The following PCNX2 variants were observed in gnomAD, a reference collection of about 807,000 sequenced individuals.
PCNX2 encodes the protein pecanex-like protein 2.
PCNX2 carries 168 observed loss-of-function variants against 223.8 expected under a neutral mutation model. The ratio of observed to expected loss-of-function variants is 0.75; its 90% CI spans 0.66 to 0.85. The LOEUF is 0.85. Ranked by LOEUF, PCNX2 falls within the 40% of genes least tolerant of loss-of-function variation. The pLI is 0.00. For missense variants in PCNX2, 2,507 were observed against 2,675.5 expected, an observed-to-expected ratio of 0.94 and a Z score of 1.39; for synonymous variants, 1,006 against 1,052.6, an observed-to-expected ratio of 0.96 and a Z score of 0.86.
chr1:233,151,840 A>T (rs1677830111), intron 19 of PCNX2, among the ~76,000 whole-genome samples: 1 of 152,084 alleles, frequency 6.6e-6, no homozygotes, highest in African/African-American at 2.4e-5. Flanking sequence ...ATGCCCGGCC[A>T]ATTTTTGTAT....
At chr1:233,016,553 C>A (rs1670670203) in intron 27 of PCNX2, among the ~76,000 whole-genome samples, 1 of 152,154 alleles carries the variant, frequency 6.6e-6, no homozygotes, top group South Asian at 2.1e-4. Flanking sequence ...TTTTCATGTC[C>A]ATGATTCAAT....
chr1:233,157,363 G>A (rs963825659), intron 19 of PCNX2, among the ~76,000 whole-genome samples: 2 of 152,128 alleles, frequency 1.3e-5, no homozygotes, highest in African/African-American at 2.4e-5. Context: ...TAAAATGGTG[G>A]GATAGGATTA....
At chr1:233,191,378 T>C (rs1245570251) in intron 15 of PCNX2, among the ~76,000 whole-genome samples, 1 of 152,198 alleles carries the variant, frequency 6.6e-6, no homozygotes, top group Non-Finnish European at 1.5e-5. Context: ...ATTAATCAAG[T>C]ACAATGATAT....
chr1:233,135,215 C>A (rs1318417299), intron 20 of PCNX2, 25 bp from the exon 21 acceptor site: 1 of 1,601,660 alleles, frequency 6.2e-7, no homozygotes, highest in African/African-American at 1.3e-5. Context: ...AGAAAAGATG[C>A]AATCAATGAC....
At chr1:233,018,795 C>T in intron 26 of PCNX2, 1 of 985,438 alleles carries the variant, frequency 1.0e-6, no homozygotes, top group African/African-American at 1.7e-5. Context: ...CTGGAGGGCT[C>T]ACAGTGTTTG....
chr1:233,213,735 G>A (rs1206924511), intron 12 of PCNX2, among the ~76,000 whole-genome samples: 1 of 149,724 alleles, frequency 6.7e-6, no homozygotes, highest in Non-Finnish European at 1.5e-5. Context: ...AAAGAGAAAG[G>A]AAACATTTAC....
At chr1:233,066,395 C>A (rs963732631) in intron 23 of PCNX2, among the ~76,000 whole-genome samples, 3 of 152,204 alleles carry the variant, frequency 2.0e-5, no homozygotes, top group African/African-American at 7.2e-5. Context: ...TATAACACCC[C>A]CTTGGGGCTT....
At chr1:233,268,745 C>CTT (rs1449171066) in intron 1 of PCNX2, among the ~76,000 whole-genome samples, 2 of 152,194 alleles carry the variant, frequency 1.3e-5, no homozygotes, top group African/African-American at 4.8e-5. Flanking sequence ...TTCCTCCCCA[C>CTT]TTCTTGGTTT....
chr1:233,099,221 A>G (rs1041879321), intron 21 of PCNX2, among the ~76,000 whole-genome samples: 1 of 152,200 alleles, frequency 6.6e-6, no homozygotes, highest in African/African-American at 2.4e-5. Flanking sequence ...AACTACAGCA[A>G]TAGGAAGAAC....
At chr1:233,043,509 A>G (rs1038354110) in intron 25 of PCNX2, among the ~76,000 whole-genome samples, 9 of 149,972 alleles carry the variant, frequency 6.0e-5, no homozygotes, top group Admixed American at 6.0e-4. Context: ...GCACCCATTA[A>G]CTCGTCATTT....
chr1:233,172,587 T>C (rs75956032), intron 17 of PCNX2: 19,089 of 973,160 alleles, frequency 0.02, 228 homozygotes, highest in South Asian at 0.036. Flanking sequence ...TGGTCTGGCA[T>C]TGGACACCCA....
chr1:233,207,385 A>T (rs1368616518), intron 13 of PCNX2, among the ~76,000 whole-genome samples: 1 of 152,180 alleles, frequency 6.6e-6, no homozygotes, highest in Non-Finnish European at 1.5e-5. Context: ...CCAGCTAGTG[A>T]TGTTGGTAGA....
chr1:233,038,292 C>T (rs1671526888), intron 25 of PCNX2, among the ~76,000 whole-genome samples: 1 of 152,066 alleles, frequency 6.6e-6, no homozygotes, highest in Non-Finnish European at 1.5e-5. Context: ...TATGATTTCC[C>T]CCTACTACTG....
At chr1:233,225,915 C>T (rs1394814792) in intron 10 of PCNX2, among the ~76,000 whole-genome samples, 2 of 152,150 alleles carry the variant, frequency 1.3e-5, no homozygotes, top group African/African-American at 4.8e-5. Flanking sequence ...ATTATAACTC[C>T]ATTCCCTGAC....
intron 21 of PCNX2, among the ~76,000 whole-genome samples, chr1:233,117,304 T>G (rs907986172): frequency 2.0e-5 from 3 of 152,172 alleles, no homozygotes; most frequent in Admixed American, 1.3e-4. Context: ...ATTACCCTAA[T>G]AGCAAAACCA....
At chr1:233,167,686 T>C (rs1172909437) in intron 17 of PCNX2, 21 of 930,514 alleles carry the variant, frequency 2.3e-5, no homozygotes, top group African/African-American at 5.3e-5. Context: ...ACTTTAAATA[T>C]ACACAATAAA....
At chr1:233,147,155 G>A (rs893268905) in intron 19 of PCNX2, among the ~76,000 whole-genome samples, 1 of 152,116 alleles carries the variant, frequency 6.6e-6, no homozygotes, top group Non-Finnish European at 1.5e-5. Context: ...CCTTGAACAA[G>A]GGGGAGGTTA....
Position 233,119,403 on chromosome 1 carries a change from C to CAAAAAAAAAAA in PCNX2, c.3837+15599_3837+15609dup, listed in dbSNP as rs71173251. Among the ~76,000 whole-genome samples the CAAAAAAAAAAA allele has an allele frequency of 1.6e-3, 63 of 38,620 alleles. 1 individual carries two copies. The highest frequency in any genetic ancestry group is 1.9e-3 in the Admixed American group (4 of 2,080). 25.3% of individuals were successfully genotyped at this position (38,620 alleles called of 152,430 possible). ...TGAAACCCCGTCTCTACTAAAAATACAAAAAAAAAAAAAAAAAAAAAAAAA... is the reference window on the plus strand; with the variant it reads ...TGAAACCCCGTCTCTACTAAAAATACAAAAAAAAAAAAAAAAAAAAAAAAAAAAAAAAAAAA... On this transcript the variant is annotated intron_variant, in intron 21 of 33. Transcript: ENST00000258229.
chr1:233,130,419 C>T (rs910813371), intron 21 of PCNX2, among the ~76,000 whole-genome samples: 8 of 151,582 alleles, frequency 5.3e-5, no homozygotes, highest in Admixed American at 4.6e-4. Context: ...CTTAATTTGT[C>T]TGGTGGGTTC....
Sources: allele counts gnomAD v4.1 joint callset (sites outside exome capture counted in the v4.1 genomes callset), GRCh38; gene constraint gnomAD v4.1.1; transcripts MANE v1.5; gene names NCBI Gene and HGNC (gene_info 2026-07-23, HGNC 2026-07-21).